Variants in GTF2A1L observed in about 807,000 individuals in gnomAD.
GTF2A1L encodes the protein TFIIA-alpha and beta-like factor.
GTF2A1L carries 48 observed loss-of-function variants against 49.7 expected under a neutral mutation model. The ratio of observed to expected loss-of-function variants is 0.97; its 90% confidence interval spans 0.77 to 1.23. The LOEUF is 1.23. Among genes scored for constraint, GTF2A1L ranks in the 50% most tolerant of loss-of-function variants. The pLI is 0.00. For synonymous variants in GTF2A1L, 246 were observed against 193.5 expected (o/e 1.27, Z -2.25); for missense variants, 736 against 564.8 (o/e 1.30, Z -3.07).
At chr2:48,666,881 A>G (rs1678875194) in intron 6 of GTF2A1L, among the ~76,000 whole-genome samples, 1 of 151,912 alleles carries the variant, frequency 6.6e-6, no homozygotes, top group Admixed American at 6.6e-5. Flanking sequence ...TGGTGTATCA[A>G]TCATAGTTTG....
At chr2:48,656,555 T>C (rs903521295) in intron 6 of GTF2A1L, among the ~76,000 whole-genome samples, 1 of 151,998 alleles carries the variant, frequency 6.6e-6, no homozygotes, top group African/African-American at 2.4e-5. Flanking sequence ...GTTTGCTCTG[T>C]TGTTGTTGAC....
chr2:48,632,427 G>C (rs947454433), intron 3 of GTF2A1L: 2 of 151,164 alleles, frequency 1.3e-5, no homozygotes, highest in African/African-American at 4.9e-5. Flanking sequence ...TCTGTCACTA[G>C]GCTGGAGTGC....
At chr2:48,672,086 G>A (rs1558774175) in intron 8 of GTF2A1L, among the ~76,000 whole-genome samples, 1 of 152,214 alleles carries the variant, frequency 6.6e-6, no homozygotes, top group Non-Finnish European at 1.5e-5. Context: ...CCCTAGAAGT[G>A]GCTAGGAAAT....
chr2:48,664,103 A>T (rs1441997988), intron 6 of GTF2A1L, among the ~76,000 whole-genome samples: 1 of 152,068 alleles, frequency 6.6e-6, no homozygotes, highest in Admixed American at 6.6e-5. Context: ...ATAAAAAAAA[A>T]TATTTCTTCC....
intron 4 of GTF2A1L, 49 bp from the exon 5 acceptor site, chr2:48,644,984 A>G (rs1677415884): frequency 1.3e-6 from 2 of 1,541,566 alleles, no homozygotes; most frequent in Non-Finnish European, 1.7e-6. Flanking sequence ...AAAAAAAGAT[A>G]CAAGTAAAGT....
intron 6 of GTF2A1L, among the ~76,000 whole-genome samples, chr2:48,647,927 C>T (rs905972714): frequency 6.6e-5 from 10 of 152,042 alleles, no homozygotes; most frequent in Admixed American, 1.3e-4. Flanking sequence ...GTGAAAAATA[C>T]TTAAAGGTTT....
intron 5 of GTF2A1L, 79 bp from the exon 6 acceptor site, chr2:48,646,374 T>A: frequency 4.0e-6 from 1 of 250,646 alleles, no homozygotes; most frequent in Non-Finnish European, 6.5e-6. Context: ...GTGGATGAGA[T>A]TTTTTTTTTT....
chr2:48,618,443 T>A (rs1201665913), intron 1 of GTF2A1L, among the ~76,000 whole-genome samples: 1 of 152,182 alleles, frequency 6.6e-6, no homozygotes, highest in African/African-American at 2.4e-5. Context: ...TGAGAATTTC[T>A]AGTCTCAGTG....
chr2:48,653,343 G>A (rs78879904), intron 6 of GTF2A1L, among the ~76,000 whole-genome samples: 3 of 151,708 alleles, frequency 2.0e-5, no homozygotes, highest in Non-Finnish European at 4.4e-5. Context: ...CAAACATGAA[G>A]TTATACAACC....
intron 6 of GTF2A1L, among the ~76,000 whole-genome samples, chr2:48,648,826 C>T (rs540573697): frequency 5.1e-4 from 78 of 152,134 alleles, no homozygotes; most frequent in African/African-American, 7.9e-4. Context: ...AAAATCCAAA[C>T]GTACAAGAGT....
chr2:48,654,403 C>A (rs756111273), intron 6 of GTF2A1L, among the ~76,000 whole-genome samples: 5 of 151,616 alleles, frequency 3.3e-5, no homozygotes, highest in African/African-American at 4.8e-5. Context: ...GATGGAGGTT[C>A]ATTTTTTTTT....
chr2:48,653,982 G>T (rs1313637280), intron 6 of GTF2A1L, among the ~76,000 whole-genome samples: 1 of 147,780 alleles, frequency 6.8e-6, no homozygotes, highest in Non-Finnish European at 1.5e-5. Context: ...GATTTTATAT[G>T]TGTAAATACC....
At chr2:48,651,221 A>T (rs564855764) in intron 6 of GTF2A1L, among the ~76,000 whole-genome samples, 1 of 152,278 alleles carries the variant, frequency 6.6e-6, no homozygotes, top group East Asian at 1.9e-4. Flanking sequence ...AGAAAATAAA[A>T]AAAAAGGAAG....
chr2:48,673,529 A>G (rs1313538165), intron 8 of GTF2A1L, among the ~76,000 whole-genome samples: 1 of 151,604 alleles, frequency 6.6e-6, no homozygotes, highest in Non-Finnish European at 1.5e-5. Context: ...CGCCCGGATA[A>G]TTTTTTGTAT....
At chr2:48,641,344 C>A (rs1031391864) in intron 3 of GTF2A1L, among the ~76,000 whole-genome samples, 1 of 152,088 alleles carries the variant, frequency 6.6e-6, no homozygotes, top group African/African-American at 2.4e-5. Flanking sequence ...CAATCTGTAG[C>A]CTTTCTTCTG....
At chr2:48,621,729 T>G (rs1207502290) in intron 3 of GTF2A1L, among the ~76,000 whole-genome samples, 1 of 152,172 alleles carries the variant, frequency 6.6e-6, no homozygotes, top group African/African-American at 2.4e-5. Context: ...GTTCAGAATA[T>G]GGAGATTATT....
chr2:48,640,208 G>A (rs958127854), intron 3 of GTF2A1L, among the ~76,000 whole-genome samples: 3 of 152,048 alleles, frequency 2.0e-5, no homozygotes, highest in African/African-American at 7.2e-5. Context: ...TATTCTCAGA[G>A]GAATATAAAG....
At position 48,621,233 on chromosome 2, in the gene GTF2A1L, CCTCTGTTTA is replaced by C; in HGVS notation, c.195_203del (p.Phe66_Leu68del). ...CTTCTTCAGAAATAGCATCCAATCA[CCTCTGTTTA>C]CTCTTCAGTTGCCGCACAGCTTGCA... On this transcript the variant is annotated inframe_deletion, in exon 3 of 9. Transcript: ENST00000403751. 1 of 1,614,108 alleles carries C rather than the reference CCTCTGTTTA, an allele frequency of 6.2e-7. No homozygotes were observed. Among genetic ancestry groups the C allele is most frequent in the Non-Finnish European group, 8.5e-7 (1 of 1,180,014 alleles).
chr2:48,618,053 G>A (rs745822841), intron 1 of GTF2A1L, 158 bp downstream of exon 1: 3 of 746,436 alleles, frequency 4.0e-6, no homozygotes, highest in Non-Finnish European at 6.4e-6. Context: ...CGTCTGTGTT[G>A]GAGGAAGCTG....
Sources: gnomAD v4.1 joint callset for allele counts (sites outside exome capture counted in the v4.1 genomes callset) on GRCh38, gnomAD v4.1.1 for gene constraint, MANE v1.5 for transcripts, NCBI Gene and HGNC (gene_info 2026-07-23, HGNC 2026-07-21) for gene names.